The following EFCAB11 variants were observed in gnomAD, a reference collection of about 807,000 sequenced individuals.
EFCAB11 encodes the protein EF-hand calcium-binding domain-containing protein 11.
EFCAB11 carries 14 observed loss-of-function variants against 23.0 expected under a neutral mutation model. The observed-to-expected ratio is 0.61, with a 90% confidence interval of 0.40 to 0.95. The LOEUF is 0.95. Ranked by LOEUF, EFCAB11 falls within the 40% of genes least tolerant of loss-of-function variation. The pLI, the probability that EFCAB11 is intolerant of heterozygous loss-of-function variation, is 0.00. For missense variants in EFCAB11, 198 were observed against 195.8 expected, an observed-to-expected ratio of 1.01 and a Z score of -0.07; for synonymous variants, 65 against 66.6, an observed-to-expected ratio of 0.98 and a Z score of 0.11.
chr14:89,861,569 C>T (rs567022811), intron 5 of EFCAB11, among the ~76,000 whole-genome samples: 4 of 152,298 alleles, frequency 2.6e-5, no homozygotes, highest in African/African-American at 9.6e-5. Context: ...AATGTCATTC[C>T]CCTTTGCAAG....
intron 5 of EFCAB11, among the ~76,000 whole-genome samples, chr14:89,869,739 A>T (rs187333132): frequency 6.6e-6 from 1 of 152,362 alleles, no homozygotes; most frequent in African/African-American, 2.4e-5. Context: ...TTTGGTCTAC[A>T]GTAGGTGGTA....
intron 5 of EFCAB11, among the ~76,000 whole-genome samples, chr14:89,908,265 G>A (rs1889558552): frequency 6.6e-6 from 1 of 152,196 alleles, no homozygotes; most frequent in South Asian, 2.1e-4. Flanking sequence ...CACAGTGTTT[G>A]ACAGGCATTC....
intron 3 of EFCAB11, among the ~76,000 whole-genome samples, chr14:89,937,628 C>T (rs1338632997): frequency 6.6e-6 from 1 of 152,048 alleles, no homozygotes; most frequent in African/African-American, 2.4e-5. Flanking sequence ...TGGGTTCAAG[C>T]GATTCTACTG....
At chr14:89,942,025 A>G (rs1361802365) in intron 3 of EFCAB11, among the ~76,000 whole-genome samples, 1 of 152,004 alleles carries the variant, frequency 6.6e-6, no homozygotes. Flanking sequence ...TGTTTGAAAG[A>G]GTGTGTCAAT....
intron 5 of EFCAB11, among the ~76,000 whole-genome samples, chr14:89,828,511 C>T (rs1176671073): frequency 6.6e-6 from 1 of 152,052 alleles, no homozygotes; most frequent in Non-Finnish European, 1.5e-5. Flanking sequence ...AGTGCTTTTC[C>T]CCAGAACTAT....
chr14:89,871,541 A>G (rs750770876), intron 5 of EFCAB11, among the ~76,000 whole-genome samples: 16 of 151,674 alleles, frequency 1.1e-4, no homozygotes, highest in African/African-American at 3.6e-4. Flanking sequence ...TCCCTCCCCA[A>G]CTCCTCCTTA....
At chr14:89,854,304 C>T (rs1409606479) in intron 5 of EFCAB11, among the ~76,000 whole-genome samples, 1 of 152,066 alleles carries the variant, frequency 6.6e-6, no homozygotes, top group Non-Finnish European at 1.5e-5. Context: ...ATGTAATGAC[C>T]CATAGGAGAG....
chr14:89,810,680 C>T (rs754740178), intron 5 of EFCAB11, among the ~76,000 whole-genome samples: 11 of 149,888 alleles, frequency 7.3e-5, no homozygotes, highest in African/African-American at 1.2e-4. Context: ...CACTTGAACT[C>T]GACAGGCAAA....
intron 4 of EFCAB11, among the ~76,000 whole-genome samples, chr14:89,932,000 C>T (rs1172865025): frequency 2.7e-5 from 4 of 149,720 alleles, no homozygotes; most frequent in Non-Finnish European, 4.4e-5. Flanking sequence ...TTTTCCTTTG[C>T]GTGGTATTAG....
chr14:89,824,101 T>G (rs577211163), intron 5 of EFCAB11, among the ~76,000 whole-genome samples: 1 of 152,052 alleles, frequency 6.6e-6, no homozygotes, highest in African/African-American at 2.4e-5. Flanking sequence ...CTAAGTAAGA[T>G]AATGAAGAAC....
At chr14:89,931,255 T>G (rs1596461671) in intron 5 of EFCAB11, 1 of 344,826 alleles carries the variant, frequency 2.9e-6, no homozygotes, top group African/African-American at 2.1e-5. Flanking sequence ...CGTAAGTATC[T>G]GAAGAAGTTC....
intron 5 of EFCAB11, among the ~76,000 whole-genome samples, chr14:89,921,072 AAAAAGAAAAGAAAG>A (rs1175868172): frequency 1.4e-5 from 2 of 147,520 alleles, no homozygotes; most frequent in Admixed American, 6.6e-5. Flanking sequence ...CTAAAAAAAA[AAAAAGAAAAGAAAG>A]AAAGAAAAGA....
intron 5 of EFCAB11, among the ~76,000 whole-genome samples, chr14:89,896,389 C>CA (rs796495764): frequency 0.037 from 5,009 of 137,012 alleles, 192 homozygotes; most frequent in African/African-American, 0.093. Context: ...GACTCTGTCT[C>CA]AAAAAAAAAA....
intron 5 of EFCAB11, among the ~76,000 whole-genome samples, chr14:89,824,168 C>T (rs953818722): frequency 3.3e-5 from 5 of 152,040 alleles, no homozygotes; most frequent in Non-Finnish European, 7.4e-5. Context: ...AAGACAGTAT[C>T]TTAAAAGCAG....
chr14:89,875,171 C>G (rs76635134), intron 5 of EFCAB11, among the ~76,000 whole-genome samples: 3 of 152,112 alleles, frequency 2.0e-5, no homozygotes, highest in African/African-American at 7.2e-5. Flanking sequence ...TAGCATGCCA[C>G]AGTCTTGTTC....
At chr14:89,804,867 A>C (rs1364007570) in intron 5 of EFCAB11, among the ~76,000 whole-genome samples, 1 of 152,136 alleles carries the variant, frequency 6.6e-6, no homozygotes, top group African/African-American at 2.4e-5. Flanking sequence ...TCTTCTTTTT[A>C]CTGTCTAATA....
intron 5 of EFCAB11, among the ~76,000 whole-genome samples, chr14:89,853,625 A>G (rs6575092): frequency 0.64 from 96,721 of 152,038 alleles, 33,126 homozygotes; most frequent in Non-Finnish European, 0.79. Context: ...ACTGGCTCTT[A>G]AAATGAATAT....
intron 5 of EFCAB11, among the ~76,000 whole-genome samples, chr14:89,882,752 G>C (rs1888641181): frequency 6.6e-6 from 1 of 152,124 alleles, no homozygotes; most frequent in Admixed American, 6.5e-5. Flanking sequence ...ATTTAAAGAA[G>C]GCAGAGCTAA....
chr14:89,818,362 T>G (rs888651593), intron 5 of EFCAB11, among the ~76,000 whole-genome samples: 1 of 151,576 alleles, frequency 6.6e-6, no homozygotes, highest in Non-Finnish European at 1.5e-5. Context: ...TATGATTCAG[T>G]GATAGTGTTT....
Sources: gnomAD v4.1 joint callset for allele counts (sites outside exome capture counted in the v4.1 genomes callset) on GRCh38, gnomAD v4.1.1 for gene constraint, MANE v1.5 for transcripts, NCBI Gene and HGNC (gene_info 2026-07-23, HGNC 2026-07-21) for gene names.